The following KIFBP variants were observed in gnomAD, a reference collection of about 807,000 sequenced individuals.
KIFBP encodes the protein KIF-binding protein.
A neutral mutation model predicts 58.9 loss-of-function variants in KIFBP; 46 were observed. The observed-to-expected ratio is 0.78, with a 90% CI of 0.62 to 1.00. The LOEUF (loss-of-function observed/expected upper bound fraction) is 1.00. Among genes scored for constraint, KIFBP ranks in the 50% least tolerant of loss-of-function variants. The pLI is 0.00. For missense variants in KIFBP, 651 were observed against 752.9 expected (o/e 0.86, Z 1.58); for synonymous variants, 241 against 283.4 (o/e 0.85, Z 1.50).
At position 69,008,911 on chromosome 10, in the gene KIFBP, C is replaced by T; in HGVS notation, c.860C>T (p.Ser287Leu). 6.2e-7 allele frequency: 1 copy of T among 1,612,708 alleles called. No homozygotes were observed. Among genetic ancestry groups the T allele is most frequent in the Non-Finnish European group, 8.5e-7 (1 of 1,178,810 alleles). ...ATTTTTGGTCAAACTGGAAAGATCT[C>T]AGCCACAGAAGACAGTAAGTTTACC... ...NVIFGQTGKISATEDTPEAEG... is the reference protein window; with the variant it reads ...NVIFGQTGKILATEDTPEAEG... The change falls in exon 5 of 7, where the codon TCA becomes TTA. Residue 287 changes from serine (S) to leucine (L), a missense_variant. By Grantham distance (145) the Ser-to-Leu change is moderately radical (BLOSUM62 -2). Coordinates refer to ENST00000361983, the MANE Select transcript of KIFBP (RefSeq NM_015634.4).
At chr10:68,991,577 A>G (rs1024315555) in intron 1 of KIFBP, 1 of 404,914 alleles carries the variant, frequency 2.5e-6, no homozygotes, top group African/African-American at 2.1e-5. Flanking sequence ...GGAGGTCATC[A>G]CGTGCAGTAC....
At chr10:68,997,390 T>C (rs1480713596) in intron 1 of KIFBP, among the ~76,000 whole-genome samples, 1 of 152,168 alleles carries the variant, frequency 6.6e-6, no homozygotes, top group Non-Finnish European at 1.5e-5. Flanking sequence ...GGATTTCGTC[T>C]TGCTGTTCTC....
chr10:69,011,892 T>C (rs553860665), intron 6 of KIFBP, among the ~76,000 whole-genome samples: 2 of 150,770 alleles, frequency 1.3e-5, no homozygotes, highest in African/African-American at 4.9e-5. Flanking sequence ...GGTTTCACCA[T>C]TTTGGCCAAG....
chr10:68,999,349 C>A lies in KIFBP; in HGVS notation c.427-1075C>A, dbSNP rs149870688. Among the ~76,000 whole-genome samples, 623 of 152,040 alleles carry A rather than the reference C, an allele frequency of 4.1e-3. 4 individuals are homozygous for A. Among genetic ancestry groups the A allele is most frequent in the African/African-American group, 0.014 (574 of 41,450 alleles). On this transcript the variant is annotated intron_variant, in intron 1 of 6. Transcript: ENST00000361983. ...CTCGCCTCAAGTGATCTGCCTGCCT[C>A]GGCCTCCCAAAGTGCTAGAATTACA...
intron 1 of KIFBP, among the ~76,000 whole-genome samples, chr10:68,990,198 A>G (rs1056503839): frequency 6.6e-6 from 1 of 152,076 alleles, no homozygotes; most frequent in African/African-American, 2.4e-5. Flanking sequence ...AATTCTTATA[A>G]TACTTTTTGT....
At chr10:69,015,406 A>T in intron 6 of KIFBP, 135 bp from the exon 7 acceptor site, 1 of 767,456 alleles carries the variant, frequency 1.3e-6, no homozygotes, top group South Asian at 1.8e-5. Context: ...GGTGTTTAAG[A>T]TTATGATACC....
Position 68,989,132 on chromosome 10 carries a change from C to A in KIFBP, c.300C>A (p.His100Gln). Residue 100 changes from histidine (H) to glutamine (Q), a missense_variant, in exon 1 of 7, where the codon CAC (histidine) becomes CAA (glutamine). By Grantham distance (24) the His-to-Gln change is conservative. Transcript: ENST00000361983. Reference protein sequence around the residue: ...RAVRLAVIEFHLGVNHIDTEE... With the variant: ...RAVRLAVIEFQLGVNHIDTEE... ...TGAGGCTGGCAGTCATCGAGTTCCA[C>A]CTCGGGGTGAACCACATCGACACGG... is the stretch of plus-strand genomic sequence containing the variant. The A allele has an allele frequency of 6.2e-7, 1 of 1,612,020 alleles. No individual in the cohort carries two copies. The highest frequency in any genetic ancestry group is 8.5e-7 in the Non-Finnish European group (1 of 1,178,658).
chr10:69,011,266 CTAAA>C (rs35263763), intron 6 of KIFBP: 43 of 363,392 alleles, frequency 1.2e-4, no homozygotes, highest in South Asian at 1.2e-4. Flanking sequence ...GACTCCATCT[CTAAA>C]TAAATAAATA....
At chr10:68,989,444 G>A (rs1407697020) in intron 1 of KIFBP, 186 bp downstream of exon 1, 1 of 651,724 alleles carries the variant, frequency 1.5e-6, no homozygotes, top group Non-Finnish European at 2.6e-6. Context: ...TTATTGCCTT[G>A]TAACTAGATC....
chr10:69,005,793 A>G lies in KIFBP; in HGVS notation c.667A>G (p.Met223Val). 6.2e-7 allele frequency: 1 copy of G among 1,614,046 alleles called. No individual in the cohort carries two copies. Among genetic ancestry groups the G allele is most frequent in the East Asian group, 2.2e-5 (1 of 44,890 alleles). ...YLAQVYQHLE[M>V]FEKAAHYCHS... is the part of the protein sequence containing the mutation. ...AGCTCAAGTCTACCAGCATCTGGAA[A>G]TGTTTGAGAAGGCTGCTCACTATTG... The change falls in exon 4 of 7, where the codon ATG becomes GTG. Residue 223 changes from methionine (M) to valine (V), a missense_variant. Met to Val is a conservative substitution (Grantham distance 21, BLOSUM62 1). Transcript: ENST00000361983.
intron 6 of KIFBP, among the ~76,000 whole-genome samples, chr10:69,013,277 A>G (rs151310335): frequency 2.0e-5 from 3 of 152,194 alleles, no homozygotes; most frequent in Non-Finnish European, 2.9e-5. Context: ...AGAAAACCAA[A>G]CAAACAAACC....
chr10:69,003,962 T>C (rs560765006), intron 2 of KIFBP, among the ~76,000 whole-genome samples: 1 of 152,236 alleles, frequency 6.6e-6, no homozygotes, highest in African/African-American at 2.4e-5. Flanking sequence ...GGCTTACACC[T>C]GTAATCCCAG....
chr10:69,011,155 C>T (rs967439274), intron 6 of KIFBP, 140 bp downstream of exon 6: 1 of 696,478 alleles, frequency 1.4e-6, no homozygotes, highest in African/African-American at 1.8e-5. Context: ...ATATTTCTTT[C>T]TTGGTTTTAA....
In KIFBP at chr10:68,989,062, C is replaced by T. The variant is rs755612919; in HGVS notation, c.230C>T (p.Pro77Leu). The T allele has an allele frequency of 1.9e-6, 3 of 1,612,394 alleles. No individual in the cohort carries two copies. Among genetic ancestry groups the T allele is most frequent in the Non-Finnish European group, 1.7e-6 (2 of 1,179,020 alleles). ...PGAGDHALGL[P>L]AEVVEPEGPV... Reference sequence around the variant, plus strand: ...GCCGGTGACCACGCCCTGGGGCTGCCGGCTGAGGTGGTGGAGCCCGAGGGG... The same window carrying T: ...GCCGGTGACCACGCCCTGGGGCTGCTGGCTGAGGTGGTGGAGCCCGAGGGG... The change falls in exon 1 of 7, where the codon CCG (proline) becomes CTG (leucine). Residue 77 changes from proline (P) to leucine (L), a missense_variant. Transcript: ENST00000361983.
In KIFBP at chr10:69,005,868, G is replaced by A. The variant is rs1296096605; in HGVS notation, c.742G>A (p.Glu248Lys). Reference sequence around the variant, plus strand: ...TGAGCACAATGCCTACCATCCTATAGAGTGGGCTATCAATGCTGCTACCTT... The same window carrying A: ...TGAGCACAATGCCTACCATCCTATAAAGTGGGCTATCAATGCTGCTACCTT... ...QLEHNAYHPI[E>K]WAINAATLSQ... is the part of the protein sequence containing the mutation. The change falls in exon 4 of 7, where the codon GAG becomes AAG. Residue 248 changes from glutamate (E) to lysine (K), a missense_variant. Glu to Lys is a moderately conservative substitution (Grantham distance 56). Coordinates refer to ENST00000361983, the MANE Select transcript of KIFBP (RefSeq NM_015634.4). The A allele has an allele frequency of 1.2e-6, 2 of 1,613,984 alleles. No individual in the cohort carries two copies. Among genetic ancestry groups the A allele is most frequent in the African/African-American group, 1.3e-5 (1 of 74,920 alleles).
At chr10:69,000,219 A>G (rs1286484913) in intron 1 of KIFBP, among the ~76,000 whole-genome samples, 1 of 152,214 alleles carries the variant, frequency 6.6e-6, no homozygotes, top group Non-Finnish European at 1.5e-5. Context: ...AAGAGCATGA[A>G]TACCCCGAAG....
rs1843582692 is a variant in KIFBP at position 69,010,900 on chromosome 10, C to T, written c.875C>T (p.Thr292Ile). ...TAAACAAATCACATGTATATTTTAG[C>T]TCCTGAAGCTGAAGGAGAAGTGCCA... is the stretch of plus-strand genomic sequence containing the variant. The part of the protein sequence containing the change: ...QTGKISATED[T>I]PEAEGEVPEL... Residue 292 changes from threonine to isoleucine, a missense_variant and splice_region_variant, in exon 6 of 7, where the codon ACT (threonine) becomes ATT (isoleucine). Physicochemically the swap from Thr to Ile is moderately conservative, Grantham distance 89. Coordinates refer to ENST00000361983, the MANE Select transcript of KIFBP (RefSeq NM_015634.4). 1 of 1,601,450 alleles carries T rather than the reference C, an allele frequency of 6.2e-7. No individual in the cohort carries two copies. The highest frequency in any genetic ancestry group is 8.6e-7 in the Non-Finnish European group (1 of 1,168,556).
chr10:69,012,753 C>G (rs1843608574), intron 6 of KIFBP, among the ~76,000 whole-genome samples: 1 of 151,944 alleles, frequency 6.6e-6, no homozygotes, highest in Non-Finnish European at 1.5e-5. Context: ...ATTAGCCAGG[C>G]ATGGTGGTGT....
chr10:69,001,980 C>T (rs1176427178), intron 2 of KIFBP, among the ~76,000 whole-genome samples: 7 of 151,354 alleles, frequency 4.6e-5, no homozygotes, highest in Non-Finnish European at 4.4e-5. Context: ...GACCAGCCTG[C>T]GCAACACAGG....
Sources: gnomAD v4.1 joint callset for allele counts (sites outside exome capture counted in the v4.1 genomes callset) on GRCh38, gnomAD v4.1.1 for gene constraint, MANE v1.5 for transcripts, NCBI Gene and HGNC (gene_info 2026-07-23, HGNC 2026-07-21) for gene names.